Variants in SACM1L observed in about 807,000 individuals in gnomAD.
SACM1L encodes the protein phosphatidylinositol-3-phosphatase SAC1.
A neutral mutation model predicts 89.5 loss-of-function variants in SACM1L; 32 were observed. The observed-to-expected ratio is 0.36, with a 90% confidence interval of 0.27 to 0.48. The LOEUF is 0.48. Ranked by LOEUF, SACM1L falls within the 20% of genes least tolerant of loss-of-function variation. SACM1L has a pLI of 0.99. For missense variants in SACM1L, 543 were observed against 708.5 expected, an observed-to-expected ratio of 0.77 and a Z score of 2.65; for synonymous variants, 213 against 232.8, an observed-to-expected ratio of 0.92 and a Z score of 0.77.
At chr3:45,743,470 C>T in intron 19 of SACM1L, 63 bp from the exon 20 acceptor site, 1 of 1,497,752 alleles carries the variant, frequency 6.7e-7, no homozygotes, top group Admixed American at 2.3e-5. Context: ...TGCTAAACAG[C>T]TGAAAACTGG....
intron 10 of SACM1L, among the ~76,000 whole-genome samples, chr3:45,723,159 T>C (rs1013459432): frequency 6.6e-5 from 10 of 152,176 alleles, no homozygotes; most frequent in Non-Finnish European, 8.8e-5. Context: ...AAACTATGAT[T>C]GAATGGCATG....
At position 45,689,511 on chromosome 3, in the gene SACM1L, G is replaced by T. The variant is rs755434397; in HGVS notation, c.32+14G>T. On this transcript the variant is annotated intron_variant, in intron 1 of 19. Coordinates refer to ENST00000389061, the MANE Select transcript of SACM1L (RefSeq NM_014016.5). ...GCAGCTGAAGCTGTGAGTCCCACGG[G>T]CCAGAGGCCTGAGGCGCGGCGGGCG... 3 of 1,573,468 alleles carry T rather than the reference G, an allele frequency of 1.9e-6. No individual in the cohort carries two copies. In the Admixed American group the frequency reaches 5.6e-5, roughly 30 times the overall value.
At chr3:45,733,745 T>A (rs1699131353) in intron 13 of SACM1L, among the ~76,000 whole-genome samples, 1 of 152,254 alleles carries the variant, frequency 6.6e-6, no homozygotes, top group Non-Finnish European at 1.5e-5. Context: ...TTATGTGCAT[T>A]ATGTGTTATC....
intron 5 of SACM1L, among the ~76,000 whole-genome samples, chr3:45,712,661 A>C (rs1292477202): frequency 6.6e-6 from 1 of 152,240 alleles, no homozygotes; most frequent in Non-Finnish European, 1.5e-5. Flanking sequence ...TGATTAGGCC[A>C]TGCAGAGATT....
intron 9 of SACM1L, among the ~76,000 whole-genome samples, chr3:45,722,321 G>T (rs936157224): frequency 6.6e-6 from 1 of 151,960 alleles, no homozygotes; most frequent in Non-Finnish European, 1.5e-5. Context: ...TAGGAGGTGC[G>T]AAGAGAGTTA....
Position 45,743,707 on chromosome 3 carries a change from CCATTGTG to C in SACM1L, c.*41_*47del. 1 of 1,599,580 alleles carries C rather than the reference CCATTGTG, an allele frequency of 6.3e-7. No individual in the cohort carries two copies. The highest frequency in any genetic ancestry group is 8.5e-7 in the Non-Finnish European group (1 of 1,173,172). ...GGAAAGCGGCTTGGCTTGGAAGATTCCATTGTGCAGAACTGGAGTCTTTACTGACCCG... is the reference window on the plus strand; with the variant it reads ...GGAAAGCGGCTTGGCTTGGAAGATTCCAGAACTGGAGTCTTTACTGACCCG... On this transcript the variant is annotated 3_prime_UTR_variant, in exon 20 of 20. Coordinates refer to ENST00000389061, the MANE Select transcript of SACM1L (RefSeq NM_014016.5).
rs374190458 is a variant in SACM1L at position 45,703,500 on chromosome 3, C to T, written c.95C>T (p.Thr32Ile). 1 of 1,613,110 alleles carries T rather than the reference C, an allele frequency of 6.2e-7. No homozygotes were observed. Among genetic ancestry groups the T allele is most frequent in the African/African-American group, 1.3e-5 (1 of 74,982 alleles). ...ACDDGADDVL[T>I]IDRVSTEVTL... Reference sequence around the variant, plus strand: ...GATGATGGAGCAGATGACGTACTTACCATTGACCGTGTGTCCACAGAGGTT... The same window carrying T: ...GATGATGGAGCAGATGACGTACTTATCATTGACCGTGTGTCCACAGAGGTT... Residue 32 changes from threonine to isoleucine, a missense_variant, in exon 2 of 20, where the codon ACC (threonine) becomes ATC (isoleucine). By Grantham distance (89) the Thr-to-Ile change is moderately conservative. Coordinates refer to ENST00000389061, the MANE Select transcript of SACM1L (RefSeq NM_014016.5).
intron 11 of SACM1L, among the ~76,000 whole-genome samples, chr3:45,724,464 CTA>C (rs1698869583): frequency 6.6e-6 from 1 of 152,086 alleles, no homozygotes; most frequent in Non-Finnish European, 1.5e-5. Context: ...GGAGAAATGT[CTA>C]TGTAAATCCT....
chr3:45,734,386 C>G (rs2125704339), intron 13 of SACM1L, among the ~76,000 whole-genome samples: 1 of 150,078 alleles, frequency 6.7e-6, no homozygotes, highest in African/African-American at 2.4e-5. Context: ...GTGCTTCAGT[C>G]TGGGTGACGG....
At position 45,731,470 on chromosome 3, in the gene SACM1L, T is replaced by G. The variant is rs984287598; in HGVS notation, c.1001+90T>G. 2.7e-5 allele frequency: 20 copies of G among 728,826 alleles called. No individual in the cohort carries two copies. In the African/African-American group the frequency reaches 3.7e-4, roughly 14 times the overall value. 45.1% of individuals were successfully genotyped at this position (728,826 alleles called of 1,614,324 possible). A position where few individuals can be genotyped will look rare whatever the true frequency, so the allele number is the denominator to read the frequency against. ...TTACATAGAGCTCACTAGACATATGTTTCAGCTTGCATTTTTTTCAATAGT... is the reference window on the plus strand; with the variant it reads ...TTACATAGAGCTCACTAGACATATGGTTCAGCTTGCATTTTTTTCAATAGT... On this transcript the variant is annotated intron_variant, in intron 12 of 19. Coordinates refer to ENST00000389061, the MANE Select transcript of SACM1L (RefSeq NM_014016.5).
intron 1 of SACM1L, among the ~76,000 whole-genome samples, chr3:45,699,019 CGCCTCG>C (rs1698197044): frequency 6.6e-6 from 1 of 152,154 alleles, no homozygotes; most frequent in Non-Finnish European, 1.5e-5. Context: ...GTGATCCACC[CGCCTCG>C]GCCTCCCAAA....
chr3:45,743,604 A>T lies in SACM1L; in HGVS notation c.1699A>T (p.Ile567Phe). Residue 567 changes from isoleucine to phenylalanine, a missense_variant, in exon 20 of 20, where the codon ATT (isoleucine) becomes TTT (phenylalanine). By Grantham distance (21) the Ile-to-Phe change is conservative. Coordinates refer to ENST00000389061, the MANE Select transcript of SACM1L (RefSeq NM_014016.5). Reference protein sequence around the residue: ...GVASIGTFFIILYNGKDFVDA... With the variant: ...GVASIGTFFIFLYNGKDFVDA... ...TGCAAGCATTGGAACATTTTTTATC[A>T]TTCTTTACAATGGCAAAGATTTTGT... 6.2e-7 allele frequency: 1 copy of T among 1,614,146 alleles called. No individual in the cohort carries two copies. The highest frequency in any genetic ancestry group is 8.5e-7 in the Non-Finnish European group (1 of 1,179,994).
Position 45,738,834 on chromosome 3 carries a change from T to A in SACM1L, c.1530T>A (p.His510Gln), listed in dbSNP as rs145722818. 1 of 1,611,584 alleles carries A rather than the reference T, an allele frequency of 6.2e-7. No homozygotes were observed. The highest frequency in any genetic ancestry group is 1.7e-5 in the Admixed American group (1 of 59,954). ...ATTCAGTGGATGAATTAGAATCTCA[T>A]AGTCCTTTAAGTGTTCCAAGGGACT... The part of the protein sequence containing the change: ...GNYSVDELES[H>Q]SPLSVPRDWK... The change falls in exon 18 of 20, where the codon CAT becomes CAA. Residue 510 changes from histidine to glutamine, a missense_variant. This residue lies in a region of SACM1L where 370 missense variants were observed against 527.6 expected (regional missense o/e 0.70). Transcript: ENST00000389061.
chr3:45,714,281 TTCTC>T (rs540016479), intron 7 of SACM1L, among the ~76,000 whole-genome samples: 2 of 151,846 alleles, frequency 1.3e-5, no homozygotes, highest in African/African-American at 4.8e-5. Flanking sequence ...GACTATACGA[TTCTC>T]TCTCTGTTCA....
chr3:45,695,469 C>T (rs2742430), intron 1 of SACM1L, among the ~76,000 whole-genome samples: 73,197 of 151,802 alleles, frequency 0.48, 18,188 homozygotes, highest in Middle Eastern at 0.58. Flanking sequence ...CCATGTTGGC[C>T]AGGCTGGTCT....
chr3:45,730,539 T>C (rs369727167), intron 11 of SACM1L: 1 of 152,360 alleles, frequency 6.6e-6, no homozygotes, highest in South Asian at 2.1e-4. Flanking sequence ...TCCCCCATTC[T>C]TTGCAGACTT....
intron 1 of SACM1L, among the ~76,000 whole-genome samples, chr3:45,690,568 G>T (rs1697954059): frequency 6.6e-6 from 1 of 152,172 alleles, no homozygotes. Flanking sequence ...AGGTTCAGTG[G>T]AAAGTTAGAG....
At chr3:45,720,257 A>G (rs576632677) in intron 8 of SACM1L, among the ~76,000 whole-genome samples, 1 of 152,368 alleles carries the variant, frequency 6.6e-6, no homozygotes, top group African/African-American at 2.4e-5. Flanking sequence ...GTGACCTGGC[A>G]AAGATCACAA....
intron 1 of SACM1L, among the ~76,000 whole-genome samples, chr3:45,695,096 G>C (rs1050311577): frequency 2.0e-5 from 3 of 152,094 alleles, no homozygotes; most frequent in Non-Finnish European, 4.4e-5. Flanking sequence ...CCCAAAGGGA[G>C]GATGAATGGG....
Sources: allele counts gnomAD v4.1 joint callset (sites outside exome capture counted in the v4.1 genomes callset), GRCh38; gene constraint gnomAD v4.1.1; regional missense constraint gnomAD v4.1.1; transcripts MANE v1.5; gene names NCBI Gene and HGNC (gene_info 2026-07-23, HGNC 2026-07-21).